The following UBE2D3 variants were observed in gnomAD, a reference collection of about 807,000 sequenced individuals.
UBE2D3 encodes ubiquitin conjugating enzyme E2 D3, also known as ubiquitin-conjugating enzyme E2 D3.
UBE2D3 carries 2 observed loss-of-function variants against 22.8 expected under a neutral mutation model. The ratio of observed to expected loss-of-function variants is 0.09; its 90% CI spans 0.04 to 0.28. The LOEUF (loss-of-function observed/expected upper bound fraction) is 0.28, where lower values mean the gene tolerates loss of function less well. UBE2D3 is among the 10% of genes least tolerant of loss of function. UBE2D3 has a pLI of 1.00. For synonymous variants in UBE2D3, 56 were observed against 60.4 expected, an observed-to-expected ratio of 0.93 and a Z score of 0.34; for missense variants, 27 against 182.5, an observed-to-expected ratio of 0.15 and a Z score of 4.91.
intron 1 of UBE2D3, among the ~76,000 whole-genome samples, chr4:102,861,529 C>T (rs984761671): frequency 6.6e-6 from 1 of 151,976 alleles, no homozygotes; most frequent in South Asian, 2.1e-4. Flanking sequence ...ACTACAATAT[C>T]GCAAAGCATT....
At chr4:102,857,126 G>A (rs1732662291) in intron 1 of UBE2D3, among the ~76,000 whole-genome samples, 1 of 152,204 alleles carries the variant, frequency 6.6e-6, no homozygotes, top group Non-Finnish European at 1.5e-5. Flanking sequence ...ATTAATAGGA[G>A]AAATGGTGTG....
chr4:102,817,049 T>C lies in UBE2D3; in HGVS notation c.25-7194A>G, dbSNP rs889879935. On this transcript the variant is annotated intron_variant, in intron 2 of 7. Coordinates refer to ENST00000453744, the MANE Select transcript of UBE2D3 (RefSeq NM_181891.3). ...GAGTGCCATTTGAGCTGGCTCTTGA[T>C]GGAAAAATAAGCAGGCATTTACCAA... Among the ~76,000 whole-genome samples the C allele has an allele frequency of 8.3e-4, 126 of 152,166 alleles. 1 individual carries two copies. The highest frequency in any genetic ancestry group is 1.5e-5 in the Non-Finnish European group (1 of 68,032).
At chr4:102,797,598 A>G in intron 7 of UBE2D3, 138 bp from the exon 8 acceptor site, 1 of 543,368 alleles carries the variant, frequency 1.8e-6, no homozygotes, top group Non-Finnish European at 3.0e-6. Context: ...AATAAAAGCC[A>G]ACAAGGGAGA....
chr4:102,815,423 T>C (rs1364858502), intron 2 of UBE2D3, among the ~76,000 whole-genome samples: 1 of 152,162 alleles, frequency 6.6e-6, no homozygotes, highest in Admixed American at 6.6e-5. Flanking sequence ...TACCCAATAA[T>C]GTTGGAATAC....
chr4:102,827,102 A>G, intron 1 of UBE2D3: 1 of 987,216 alleles, frequency 1.0e-6, no homozygotes, highest in Non-Finnish European at 1.2e-6. Context: ...GTGTATTGCT[A>G]TCCTCGCAGC....
At chr4:102,815,877 C>T (rs1297963132) in intron 2 of UBE2D3, among the ~76,000 whole-genome samples, 1 of 152,114 alleles carries the variant, frequency 6.6e-6, no homozygotes, top group African/African-American at 2.4e-5. Context: ...GATAAAAATG[C>T]TGTTCTTATT....
At position 102,819,382 on chromosome 4, in the gene UBE2D3, C is replaced by T. The variant is rs567070342; in HGVS notation, c.24+7103G>A. ...TCAAAGAGCTTATAAATTGGAAATA[C>T]TAAAAATATTTATTCACAAATATTT... On this transcript the variant is annotated intron_variant, in intron 2 of 7. Transcript: ENST00000453744. 4.6e-5 allele frequency among the ~76,000 whole-genome samples: 7 copies of T among 151,050 alleles called. No homozygotes were observed. In the East Asian group the frequency reaches 1.4e-3, roughly 29 times the overall value.
intron 2 of UBE2D3, 94 bp downstream of exon 2, chr4:102,826,391 T>C: frequency 6.7e-7 from 1 of 1,491,998 alleles, no homozygotes; most frequent in Non-Finnish European, 9.3e-7. Context: ...AGAGGTATTT[T>C]CAGAATTATG....
chr4:102,847,263 C>G (rs190570275), intron 1 of UBE2D3, among the ~76,000 whole-genome samples: 77 of 152,286 alleles, frequency 5.1e-4, no homozygotes, highest in African/African-American at 1.4e-3. Flanking sequence ...TAATAGAGTT[C>G]TCATGCTCCA....
Position 102,826,481 on chromosome 4 carries a change from T to C in UBE2D3, c.24+4A>G, listed in dbSNP as rs972294930. 4.3e-6 allele frequency: 7 copies of C among 1,613,594 alleles called. No homozygotes were observed. The highest frequency in any genetic ancestry group is 5.9e-6 in the Non-Finnish European group (7 of 1,179,926). On this transcript the variant is annotated splice_donor_region_variant and intron_variant, in intron 2 of 7. Coordinates refer to ENST00000453744, the MANE Select transcript of UBE2D3 (RefSeq NM_181891.3). ...CACCCCATGCCCTTGTCCCCGCGGG[T>C]TACCTTATTAATCCGTTTCAGCGCC...
At chr4:102,804,720 C>T (rs1726759782) in intron 4 of UBE2D3, among the ~76,000 whole-genome samples, 1 of 152,166 alleles carries the variant, frequency 6.6e-6, no homozygotes, top group Non-Finnish European at 1.5e-5. Flanking sequence ...GTCGCCCAGA[C>T]TGGAGTGCAG....
intron 1 of UBE2D3, among the ~76,000 whole-genome samples, chr4:102,859,750 G>T (rs1732790822): frequency 6.6e-6 from 1 of 151,418 alleles, no homozygotes; most frequent in Non-Finnish European, 1.5e-5. Context: ...CTGTCTTCAA[G>T]TTCATTGATT....
chr4:102,824,011 G>A (rs1035384266), intron 2 of UBE2D3, among the ~76,000 whole-genome samples: 2 of 152,172 alleles, frequency 1.3e-5, no homozygotes, highest in Non-Finnish European at 2.9e-5. Context: ...TGCCTAAACC[G>A]AAGAGCATTC....
At chr4:102,798,279 A>AACATATATATATATATATATATATATAT (rs1725523227) in intron 7 of UBE2D3, among the ~76,000 whole-genome samples, 1 of 111,860 alleles carries the variant, frequency 8.9e-6, no homozygotes, top group African/African-American at 4.0e-5. Context: ...TTAAGAAATG[A>AACATATATATATATATATATATATATAT]ATATATATAT....
chr4:102,818,012 G>C (rs1333589789), intron 2 of UBE2D3, among the ~76,000 whole-genome samples: 11 of 152,142 alleles, frequency 7.2e-5, no homozygotes, highest in Admixed American at 5.9e-4. Context: ...AAGAGGAACA[G>C]TGCCAAGAAC....
Position 102,827,438 on chromosome 4 carries a change from G to T in UBE2D3, c.-140C>A. The stretch of plus-strand genomic sequence containing the variant: ...ACACCCACGCGTACAGAGGGGCCGG[G>T]GCCTCCCTCAAGCTGCGGCCTCGGC... On this transcript the variant is annotated 5_prime_UTR_variant, in exon 1 of 8. Transcript: ENST00000453744. 1 of 986,168 alleles carries T rather than the reference G, an allele frequency of 1.0e-6. No individual in the cohort carries two copies. The highest frequency in any genetic ancestry group is 1.2e-6 in the Non-Finnish European group (1 of 830,142). The allele number at this position is 986,168 out of a possible 1,614,324, so 61.1% of individuals were successfully genotyped here. A position where few individuals can be genotyped will look rare whatever the true frequency, so the allele number is the denominator to read the frequency against.
At chr4:102,825,303 T>C in intron 2 of UBE2D3, 1 of 987,188 alleles carries the variant, frequency 1.0e-6, no homozygotes, top group Non-Finnish European at 1.2e-6. Context: ...AAGTTAGCTG[T>C]AAACACTCCA....
Position 102,836,104 on chromosome 4 carries a change from A to G in UBE2D3, c.-128-9468T>C, listed in dbSNP as rs570135618. ...CCATTGTATGTATTTGCCACAATTT[A>G]TCCATTCACCAGTCAGTGGACATTT... On this transcript the variant is annotated intron_variant, in intron 1 of 7. Transcript: ENST00000338145. 9.8e-5 allele frequency among the ~76,000 whole-genome samples: 14 copies of G among 142,478 alleles called. No homozygotes were observed. In the South Asian group the frequency reaches 3.1e-3, roughly 32 times the overall value. 93.5% of individuals were successfully genotyped at this position (142,478 alleles called of 152,430 possible).
chr4:102,831,839 G>A (rs1173942153), upstream of UBE2D3, among the ~76,000 whole-genome samples: 1 of 152,198 alleles, frequency 6.6e-6, no homozygotes, highest in Non-Finnish European at 1.5e-5. Context: ...TGATACTTAG[G>A]TCTGAATAGG....
Sources: allele counts gnomAD v4.1 joint callset (sites outside exome capture counted in the v4.1 genomes callset), GRCh38; gene constraint gnomAD v4.1.1; transcripts MANE v1.5; gene names NCBI Gene and HGNC (gene_info 2026-07-23, HGNC 2026-07-21).